Variants in APOOL observed in about 807,000 individuals in gnomAD.
APOOL encodes MICOS complex subunit MIC27.
A neutral mutation model predicts 23.1 loss-of-function variants in APOOL; 12 were observed. The observed-to-expected ratio is 0.52, with a 90% CI of 0.33 to 0.84. The LOEUF (loss-of-function observed/expected upper bound fraction) is 0.84, where lower values mean the gene tolerates loss of function less well. Ranked by LOEUF, APOOL falls within the 40% of genes least tolerant of loss-of-function variation. The probability of loss-of-function intolerance (pLI) is 0.02; values close to 1 mark genes in which losing one functional copy is unlikely to be tolerated. For synonymous variants in APOOL, 77 were observed against 69.9 expected (o/e 1.10, Z -0.51); for missense variants, 212 against 199.6 (o/e 1.06, Z -0.37).
intron 5 of APOOL, among the ~76,000 whole-genome samples, chrX:85,060,433 G>A (rs1333220892): frequency 1.2e-4 from 13 of 105,319 alleles, no homozygotes; most frequent in Non-Finnish European, 2.3e-4. Context: ...TTGGTAGCTT[G>A]ATGGGGATGG....
intron 8 of APOOL, among the ~76,000 whole-genome samples, chrX:85,080,791 A>T (rs886242965): frequency 1.8e-5 from 2 of 111,695 alleles, no homozygotes; most frequent in African/African-American, 3.3e-5. Flanking sequence ...TTGGGTGCAT[A>T]TATATTTAGG....
At chrX:85,035,882 C>T (rs888756012) in intron 1 of APOOL, among the ~76,000 whole-genome samples, 1 of 111,860 alleles carries the variant, frequency 8.9e-6, no homozygotes, top group Non-Finnish European at 1.9e-5. Context: ...TTACTATAGC[C>T]TTGTACTGTA....
At chrX:85,028,634 A>ATT (rs1338559187) in intron 1 of APOOL, among the ~76,000 whole-genome samples, 4 of 101,103 alleles carry the variant, frequency 4.0e-5, no homozygotes, top group African/African-American at 1.4e-4. Context: ...GGTCTGATTG[A>ATT]TTTTTTTTTT....
chrX:85,030,530 A>C (rs1348658847), intron 1 of APOOL, among the ~76,000 whole-genome samples: 2 of 111,965 alleles, frequency 1.8e-5, no homozygotes, highest in Admixed American at 9.5e-5. Context: ...TAGATAAATA[A>C]ATACAATGTA....
intron 6 of APOOL, among the ~76,000 whole-genome samples, chrX:85,069,183 A>AT (rs918237593): frequency 7.3e-5 from 8 of 109,230 alleles, no homozygotes; most frequent in Non-Finnish European, 9.5e-5. Context: ...CAAATATATG[A>AT]TTTTTTTTTA....
chrX:85,082,679 T>C (rs1602802828), intron 8 of APOOL, among the ~76,000 whole-genome samples: 1 of 112,230 alleles, frequency 8.9e-6, no homozygotes, highest in Non-Finnish European at 1.9e-5. Context: ...TTGATCTATG[T>C]ATTGTCTACG....
chrX:85,054,450 T>C, intron 4 of APOOL, 52 bp downstream of exon 4: 2 of 1,045,176 alleles, frequency 1.9e-6, no homozygotes, highest in Admixed American at 3.0e-5. Flanking sequence ...AATTGCATTG[T>C]TTAAATGTGA....
chrX:85,035,835 A>G (rs1436763911), intron 1 of APOOL, among the ~76,000 whole-genome samples: 2 of 111,547 alleles, frequency 1.8e-5, no homozygotes, highest in Non-Finnish European at 3.8e-5. Flanking sequence ...ACATTGGTCT[A>G]TGTGTCTGTT....
At chrX:85,042,170 G>A (rs1305973628) in intron 1 of APOOL, among the ~76,000 whole-genome samples, 1 of 111,938 alleles carries the variant, frequency 8.9e-6, no homozygotes, top group Non-Finnish European at 1.9e-5. Context: ...GAAACAAAAC[G>A]TTGGTTGTTT....
At position 85,022,119 on chromosome X, in the gene APOOL, C is replaced by T. The variant is rs1206678295; in HGVS notation, c.15+18192C>T. ...TGTAAAAAGTCTGTCAAAGAAAAGC[C>T]GAGGACACGATGGCTTCACTGCTGA... On this transcript the variant is annotated intron_variant, in intron 1 of 8. Transcript: ENST00000373173. 3.6e-5 allele frequency among the ~76,000 whole-genome samples: 4 copies of T among 111,968 alleles called. No individual in the cohort carries two copies. The South Asian group carries it at 1.1e-3, about 31-fold the overall frequency.
At chrX:85,047,850 C>G (rs1922627407) in intron 2 of APOOL, among the ~76,000 whole-genome samples, 1 of 111,433 alleles carries the variant, frequency 9.0e-6, no homozygotes, top group African/African-American at 3.3e-5. Flanking sequence ...GAATTTGAAT[C>G]CTGATTCCAC....
chrX:85,028,497 G>A (rs187634839), intron 1 of APOOL, among the ~76,000 whole-genome samples: 11 of 111,235 alleles, frequency 9.9e-5, no homozygotes, highest in African/African-American at 3.6e-4. Context: ...TGGAGAATGG[G>A]GTATCCATTC....
At chrX:85,010,500 C>T (rs1241959579) in intron 1 of APOOL, among the ~76,000 whole-genome samples, 1 of 111,003 alleles carries the variant, frequency 9.0e-6, no homozygotes, top group Non-Finnish European at 1.9e-5. Flanking sequence ...TGTCCCTTAC[C>T]CCCTCCCAGT....
intron 5 of APOOL, among the ~76,000 whole-genome samples, chrX:85,062,198 A>G (rs1923255271): frequency 9.0e-6 from 1 of 110,624 alleles, no homozygotes; most frequent in African/African-American, 3.3e-5. Context: ...TCCTTTGCCT[A>G]TTTTTAAATG....
At chrX:85,027,768 G>A (rs1921893007) in intron 1 of APOOL, among the ~76,000 whole-genome samples, 1 of 112,107 alleles carries the variant, frequency 8.9e-6, no homozygotes, top group Admixed American at 9.5e-5. Flanking sequence ...TATAGATTTT[G>A]TTGAATAAAT....
At chrX:85,041,094 C>G (rs1418184538) in intron 1 of APOOL, among the ~76,000 whole-genome samples, 3 of 111,918 alleles carry the variant, frequency 2.7e-5, no homozygotes, top group African/African-American at 9.8e-5. Flanking sequence ...TGGTGTGTCT[C>G]TTGATTACTT....
rs748430785 is a variant in APOOL, at chrX:85,089,841, T to C, written c.*2163T>C. On this transcript the variant is annotated 3_prime_UTR_variant, in exon 9 of 9. Coordinates refer to ENST00000373173, the MANE Select transcript of APOOL (RefSeq NM_198450.6). ...CCTCAAGTCATCATCATCACTTTTC[T>C]GGGTTACTGTAATAGCCTTCAGGCT... is the stretch of plus-strand genomic sequence containing the variant. The C allele has an allele frequency of 9.0e-6, 1 of 111,070 alleles. No individual in the cohort carries two copies. Among genetic ancestry groups the C allele is most frequent in the African/African-American group, 3.3e-5 (1 of 30,532 alleles). 9.2% of individuals were successfully genotyped at this position (111,070 alleles called of 1,213,427 possible). A position where few individuals can be genotyped will look rare whatever the true frequency, so the allele number is the denominator to read the frequency against.
At chrX:85,027,193 G>C (rs944204393) in intron 1 of APOOL, among the ~76,000 whole-genome samples, 2 of 111,253 alleles carry the variant, frequency 1.8e-5, no homozygotes, top group African/African-American at 6.5e-5. Context: ...AGAAGCAAGA[G>C]AAGTCGGGGG....
intron 8 of APOOL, among the ~76,000 whole-genome samples, chrX:85,077,044 C>T (rs200722596): frequency 8.8e-4 from 67 of 76,002 alleles, no homozygotes; most frequent in Middle Eastern, 7.4e-3. Flanking sequence ...TATATATATA[C>T]GTATATGTAT....
Sources: allele counts gnomAD v4.1 joint callset (sites outside exome capture counted in the v4.1 genomes callset), GRCh38; gene constraint gnomAD v4.1.1; transcripts MANE v1.5; gene names NCBI Gene and HGNC (gene_info 2026-07-23, HGNC 2026-07-21).